C10orf53: variants seen among roughly 807,000 people sequenced by gnomAD.
C10orf53 encodes the protein chromosome 10 open reading frame 53.
C10orf53 carries 8 observed loss-of-function variants against 9.4 expected under a neutral mutation model. The ratio of observed to expected loss-of-function variants is 0.85; its 90% CI spans 0.50 to 1.53. The LOEUF is 1.53. C10orf53 is among the 40% of genes most tolerant of loss of function. C10orf53 has a pLI of 0.00. For missense variants in C10orf53, 117 were observed against 117.8 expected (o/e 0.99, Z 0.03); for synonymous variants, 48 against 46.0 (o/e 1.04, Z -0.18).
chr10:49,693,270 C>A (rs1183342008), intron 1 of C10orf53, among the ~76,000 whole-genome samples: 1 of 152,140 alleles, frequency 6.6e-6, no homozygotes, highest in African/African-American at 2.4e-5. Flanking sequence ...CATCTTGTTG[C>A]AAAAATCTGC....
chr10:49,707,566 T>C (rs1191332417), intron 2 of C10orf53, among the ~76,000 whole-genome samples: 1 of 152,206 alleles, frequency 6.6e-6, no homozygotes, highest in Non-Finnish European at 1.5e-5. Context: ...GTGATCGAGC[T>C]CCAAGACTTG....
chr10:49,694,744 C>T lies in C10orf53; in HGVS notation c.*142C>T. ...AGGGCAACTCGGGCCTGACCTCCAGCTTACGCAGCCTCAGGATTGTCACCT... is the reference window on the plus strand; with the variant it reads ...AGGGCAACTCGGGCCTGACCTCCAGTTTACGCAGCCTCAGGATTGTCACCT... On this transcript the variant is annotated 3_prime_UTR_variant, in exon 3 of 3. Transcript: ENST00000374111. 2 of 1,455,336 alleles carry T rather than the reference C, an allele frequency of 1.4e-6. No individual in the cohort carries two copies. Among genetic ancestry groups the T allele is most frequent in the East Asian group, 2.4e-5 (1 of 41,070 alleles). The allele number at this position is 1,455,336 out of a possible 1,614,324, so 90.2% of individuals were successfully genotyped here. A position where few individuals can be genotyped will look rare whatever the true frequency, so the allele number is the denominator to read the frequency against.
chr10:49,693,709 G>A, intron 1 of C10orf53, 65 bp from the exon 2 acceptor site: 2 of 1,540,072 alleles, frequency 1.3e-6, no homozygotes. Context: ...CATGAGGACT[G>A]CTACCAGTCA....
At chr10:49,698,187 G>T (rs941626425), downstream of C10orf53, among the ~76,000 whole-genome samples, 9 of 152,314 alleles carry the variant, frequency 5.9e-5, no homozygotes, top group East Asian at 7.7e-4. Context: ...CTATTTGGTA[G>T]ACTGAGGTGG....
At chr10:49,691,762 C>A (rs111533826) in intron 1 of C10orf53, among the ~76,000 whole-genome samples, 1 of 152,172 alleles carries the variant, frequency 6.6e-6, no homozygotes, top group Non-Finnish European at 1.5e-5. Flanking sequence ...GCAGGAGGGC[C>A]AGGGGCAGGC....
intron 1 of C10orf53, among the ~76,000 whole-genome samples, chr10:49,690,238 G>A (rs1840570834): frequency 6.6e-6 from 1 of 152,184 alleles, no homozygotes; most frequent in Non-Finnish European, 1.5e-5. Flanking sequence ...TGGTTGATTT[G>A]TAAAGTCAGT....
At position 49,693,794 on chromosome 10, in the gene C10orf53, C is replaced by T. The variant is rs144572756; in HGVS notation, c.118C>T (p.His40Tyr). Reference sequence around the variant, plus strand: ...CCCAGCTGTGTTGGCCATAGATGGACATGAGGTCATCCTAGAGAAGATAGA... The same window carrying T: ...CCCAGCTGTGTTGGCCATAGATGGATATGAGGTCATCCTAGAGAAGATAGA... The part of the protein sequence containing the change: ...GLQAVLAIDG[H>Y]EVILEKIEDW... The change falls in exon 2 of 3, where the codon CAT becomes TAT. Residue 40 changes from histidine to tyrosine, a missense_variant. His to Tyr is a moderately conservative substitution (Grantham distance 83, BLOSUM62 2). Coordinates refer to ENST00000374111, the MANE Select transcript of C10orf53 (RefSeq NM_001042427.3). The T allele has an allele frequency of 7.9e-5, 128 of 1,613,700 alleles. No individual in the cohort carries two copies. Among genetic ancestry groups the T allele is most frequent in the Non-Finnish European group, 7.5e-5 (88 of 1,179,730 alleles).
At chr10:49,681,775 T>C (rs1362507072) in intron 1 of C10orf53, among the ~76,000 whole-genome samples, 3 of 152,196 alleles carry the variant, frequency 2.0e-5, no homozygotes, top group Non-Finnish European at 1.5e-5. Flanking sequence ...CTGGTGTCTC[T>C]TCTTATAAGA....
intron 1 of C10orf53, among the ~76,000 whole-genome samples, chr10:49,689,503 T>C (rs532414742): frequency 6.6e-6 from 1 of 152,180 alleles, no homozygotes; most frequent in Non-Finnish European, 1.5e-5. Flanking sequence ...AGCTGTTCCA[T>C]TTCTCAATAT....
chr10:49,679,833 C>A (rs760695647), intron 1 of C10orf53, 39 bp downstream of exon 1: 153 of 1,501,394 alleles, frequency 1.0e-4, no homozygotes, highest in Non-Finnish European at 1.3e-4. Context: ...AGGGCCCCAG[C>A]CTCTGAGCAT....
downstream of C10orf53, among the ~76,000 whole-genome samples, chr10:49,701,218 C>T (rs1258326): frequency 0.37 from 56,567 of 151,748 alleles, 12,755 homozygotes; most frequent in East Asian, 0.81. Flanking sequence ...GGCACAGCTC[C>T]CTAAGGGTGT....
intron 1 of C10orf53, among the ~76,000 whole-genome samples, chr10:49,685,231 G>A (rs1021927746): frequency 1.3e-5 from 2 of 152,012 alleles, no homozygotes; most frequent in Admixed American, 1.3e-4. Context: ...TACATTAATG[G>A]TGAGTACCCA....
At chr10:49,683,006 C>T (rs780757787) in intron 1 of C10orf53, among the ~76,000 whole-genome samples, 40 of 152,142 alleles carry the variant, frequency 2.6e-4, no homozygotes, top group Admixed American at 1.3e-4. Flanking sequence ...TCCACCTTTC[C>T]GCTACTGTGA....
At chr10:49,698,811 G>T (rs75537676), downstream of C10orf53, among the ~76,000 whole-genome samples, 3 of 152,074 alleles carry the variant, frequency 2.0e-5, no homozygotes, top group Non-Finnish European at 4.4e-5. Context: ...CTTCTCCCCC[G>T]TGCAAATCAG....
chr10:49,692,714 G>C (rs1490199414), intron 1 of C10orf53, among the ~76,000 whole-genome samples: 1 of 152,188 alleles, frequency 6.6e-6, no homozygotes, highest in Admixed American at 6.5e-5. Context: ...GGAAAAAATA[G>C]AGCTCTAGGC....
intron 1 of C10orf53, among the ~76,000 whole-genome samples, chr10:49,685,882 G>A (rs1459361040): frequency 6.6e-6 from 1 of 152,080 alleles, no homozygotes; most frequent in Non-Finnish European, 1.5e-5. Context: ...CATCAAATTT[G>A]GGGAGTTTTC....
At chr10:49,697,930 G>C (rs1420245615), downstream of C10orf53, among the ~76,000 whole-genome samples, 4 of 152,062 alleles carry the variant, frequency 2.6e-5, no homozygotes, top group African/African-American at 9.7e-5. Flanking sequence ...ATTTTCAAGG[G>C]GCCTTCCTGG....
At chr10:49,691,038 T>C (rs1840579515) in intron 1 of C10orf53, among the ~76,000 whole-genome samples, 1 of 152,232 alleles carries the variant, frequency 6.6e-6, no homozygotes, top group Non-Finnish European at 1.5e-5. Flanking sequence ...GGTGGCCTTA[T>C]AGCTTCTGGT....
At position 49,697,277 on chromosome 10, in the gene C10orf53, T is replaced by C. The variant is rs1444730136; in HGVS notation, c.*2675T>C. On this transcript the variant is annotated 3_prime_UTR_variant, in exon 3 of 3. Transcript: ENST00000374111. ...GTCACTGATTAAGAGGAACTTTCTC[T>C]ATGGAAATCTCTGAAGAATGTGCTG... 6.6e-6 allele frequency among the ~76,000 whole-genome samples: 1 copy of C among 152,160 alleles called. No individual in the cohort carries two copies. Among genetic ancestry groups the C allele is most frequent in the African/African-American group, 2.4e-5 (1 of 41,426 alleles).
Sources: allele counts gnomAD v4.1 joint callset (sites outside exome capture counted in the v4.1 genomes callset), GRCh38; gene constraint gnomAD v4.1.1; transcripts MANE v1.5; gene names NCBI Gene and HGNC (gene_info 2026-07-23, HGNC 2026-07-21).